The following PTPRN2 variants were observed in gnomAD, a reference collection of about 807,000 sequenced individuals.
The protein encoded by PTPRN2 is protein tyrosine phosphatase receptor type N2, also known as receptor-type tyrosine-protein phosphatase N2.
Under a neutral mutation model 118.8 loss-of-function variants are expected in PTPRN2, and 74 were observed. The ratio of observed to expected loss-of-function variants is 0.62; its 90% confidence interval spans 0.52 to 0.76. PTPRN2 has a LOEUF of 0.76. PTPRN2 is among the 30% of genes least tolerant of loss of function. The pLI is 0.00. For missense variants in PTPRN2, 1,481 were observed against 1,394.4 expected, an observed-to-expected ratio of 1.06 and a Z score of -0.99; for synonymous variants, 641 against 608.0, an observed-to-expected ratio of 1.05 and a Z score of -0.80.
At chr7:158,334,690 C>A (rs1268365700) in intron 2 of PTPRN2, among the ~76,000 whole-genome samples, 1 of 64,162 alleles carries the variant, frequency 1.6e-5, no homozygotes, top group Admixed American at 1.7e-4. Flanking sequence ...CACCCACACT[C>A]TCACCATAAG....
chr7:158,146,803 A>T (rs1018689758), intron 6 of PTPRN2, among the ~76,000 whole-genome samples: 1 of 152,028 alleles, frequency 6.6e-6, no homozygotes, highest in Admixed American at 6.5e-5. Context: ...TTGTTCTCAC[A>T]CCAGCACAGA....
intron 6 of PTPRN2, among the ~76,000 whole-genome samples, chr7:158,147,609 C>G (rs1820268279): frequency 7.7e-6 from 1 of 129,234 alleles, no homozygotes; most frequent in African/African-American, 3.1e-5. Context: ...AATGACACCC[C>G]ATCTCACGCC....
intron 5 of PTPRN2, among the ~76,000 whole-genome samples, chr7:158,174,238 T>A (rs1823976316): frequency 6.6e-6 from 1 of 152,174 alleles, no homozygotes; most frequent in African/African-American, 2.4e-5. Context: ...CTTCAGCCGG[T>A]CCCTCCATTT....
intron 11 of PTPRN2, among the ~76,000 whole-genome samples, chr7:158,070,537 C>T (rs1474452805): frequency 1.2e-5 from 1 of 83,154 alleles, no homozygotes; most frequent in Non-Finnish European, 2.2e-5. Flanking sequence ...TGGAGGTGCT[C>T]CTGGTGGTGG....
rs1816773466 is a variant in PTPRN2, at chr7:158,438,884, A to T, written c.163+50851T>A. 6.6e-6 allele frequency among the ~76,000 whole-genome samples: 1 copy of T among 152,180 alleles called. No individual in the cohort carries two copies. The highest frequency in any genetic ancestry group is 2.1e-4 in the South Asian group (1 of 4,822). On this transcript the variant is annotated intron_variant, in intron 2 of 22. Coordinates refer to ENST00000389418, the MANE Select transcript of PTPRN2 (RefSeq NM_002847.5). This position sits in a 1 kb window ranked among gnomAD's most constrained non-coding sequence, Gnocchi z 4.7. ...TCCAAAATCTCCAGGCTAAAGGGAA[A>T]AGTCAAGCTGGGAACTGCTCAGGGC...
intron 11 of PTPRN2, among the ~76,000 whole-genome samples, chr7:157,970,645 C>G (rs552854872): frequency 6.6e-6 from 1 of 150,770 alleles, no homozygotes; most frequent in South Asian, 2.1e-4. Flanking sequence ...GACCCCCCCC[C>G]CCACAGGTTG....
Position 157,974,145 on chromosome 7 carries a change from T to C in PTPRN2, c.1724-75408A>G, listed in dbSNP as rs1272906947. On this transcript the variant is annotated intron_variant, in intron 11 of 22. Coordinates refer to ENST00000389418, the MANE Select transcript of PTPRN2 (RefSeq NM_002847.5). This position sits in a 1 kb window ranked among gnomAD's most constrained non-coding sequence, Gnocchi z 4.0. ...GGCGGTGTTGACGCTGCACAGGTCA[T>C]GAGCGCCGGCCCTGCGGATCCGGCG... Among the ~76,000 whole-genome samples the C allele has an allele frequency of 6.6e-6, 1 of 152,226 alleles. No homozygotes were observed. Among genetic ancestry groups the C allele is most frequent in the Middle Eastern group, 3.2e-3 (1 of 316 alleles).
At chr7:157,745,925 T>TAC (rs1208709173) in intron 12 of PTPRN2, among the ~76,000 whole-genome samples, 1 of 151,284 alleles carries the variant, frequency 6.6e-6, no homozygotes, top group Non-Finnish European at 1.5e-5. Context: ...CTACACACCA[T>TAC]AGTCCATACA....
At chr7:157,688,058 G>A (rs147579957) in intron 12 of PTPRN2, among the ~76,000 whole-genome samples, 1 of 152,294 alleles carries the variant, frequency 6.6e-6, no homozygotes, top group East Asian at 1.9e-4. Context: ...CCGTGCAGAT[G>A]AAATTGTACT....
chr7:158,130,479 G>T (rs1283369420), intron 9 of PTPRN2, among the ~76,000 whole-genome samples: 1 of 131,028 alleles, frequency 7.6e-6, no homozygotes, highest in African/African-American at 3.0e-5. Context: ...ATACACACAT[G>T]CACATATGCA....
intron 19 of PTPRN2, among the ~76,000 whole-genome samples, 165 bp downstream of exon 19, chr7:157,576,448 C>T (rs1319779465): frequency 6.6e-6 from 1 of 152,248 alleles, no homozygotes; most frequent in East Asian, 1.9e-4. Context: ...TTAACACGTG[C>T]CGTTAACGGA....
intron 10 of PTPRN2, among the ~76,000 whole-genome samples, chr7:158,105,273 C>G (rs111953248): frequency 0.08 from 11,864 of 147,632 alleles, 582 homozygotes; most frequent in Non-Finnish European, 0.11. Flanking sequence ...CAACTCCACT[C>G]AGCTCCATCA....
At chr7:158,267,699 C>T (rs762546664) in intron 3 of PTPRN2, among the ~76,000 whole-genome samples, 2 of 152,224 alleles carry the variant, frequency 1.3e-5, no homozygotes, top group South Asian at 2.1e-4. Context: ...TCACCTCTCT[C>T]ATATCCTTCC....
chr7:157,935,899 C>T (rs55909621), intron 11 of PTPRN2, among the ~76,000 whole-genome samples: 1,706 of 143,020 alleles, frequency 0.012, no homozygotes, highest in African/African-American at 0.043. Flanking sequence ...GCATCTGTGT[C>T]GCTCCCTCAG....
intron 5 of PTPRN2, 66 bp downstream of exon 5, chr7:158,192,261 A>G (rs1414268401): frequency 2.6e-5 from 36 of 1,383,828 alleles, no homozygotes; most frequent in Non-Finnish European, 3.2e-5. Flanking sequence ...CTAAGGAAAC[A>G]TGCCCAGGTA....
intron 6 of PTPRN2, among the ~76,000 whole-genome samples, chr7:158,151,518 C>CACCCACCTTTCTATTCCT (rs1563522319): frequency 1.7e-5 from 1 of 58,478 alleles, no homozygotes; most frequent in African/African-American, 4.9e-5. Context: ...TGCTCCTCAC[C>CACCCACCTTTCTATTCCT]GCACGTCCTA....
chr7:158,194,205 C>T (rs534172628), intron 4 of PTPRN2, among the ~76,000 whole-genome samples: 2 of 152,256 alleles, frequency 1.3e-5, no homozygotes, highest in South Asian at 2.1e-4. Context: ...TGTATGTGTG[C>T]GCCTGCACGC....
chr7:157,806,505 G>A (rs761696091), intron 12 of PTPRN2, among the ~76,000 whole-genome samples: 4 of 152,174 alleles, frequency 2.6e-5, no homozygotes, highest in Non-Finnish European at 5.9e-5. Flanking sequence ...AGGTGTAAAT[G>A]TGTGCAATAG....
intron 11 of PTPRN2, among the ~76,000 whole-genome samples, chr7:158,049,743 A>G (rs996939822): frequency 1.3e-5 from 2 of 152,200 alleles, no homozygotes. Flanking sequence ...TCTACTAAAA[A>G]TTACAAAAAA....
Sources: allele counts gnomAD v4.1 joint callset (sites outside exome capture counted in the v4.1 genomes callset), GRCh38; gene constraint gnomAD v4.1.1; non-coding constraint Gnocchi (gnomAD v3.1); transcripts MANE v1.5; gene names NCBI Gene and HGNC (gene_info 2026-07-23, HGNC 2026-07-21).